Variants in STXBP5 observed in about 807,000 individuals in gnomAD.
The protein encoded by STXBP5 is syntaxin-binding protein 5.
STXBP5 carries 50 observed loss-of-function variants against 152.4 expected under a neutral mutation model. That is an observed-to-expected ratio of 0.33 (90% CI 0.26 to 0.42). The LOEUF (loss-of-function observed/expected upper bound fraction) is 0.42, where lower values mean the gene tolerates loss of function less well. Among genes scored for constraint, STXBP5 ranks in the 10% least tolerant of loss-of-function variants. STXBP5 has a pLI of 1.00. For synonymous variants in STXBP5, 492 were observed against 494.7 expected, an observed-to-expected ratio of 0.99 and a Z score of 0.07; for missense variants, 1,167 against 1,388.6, an observed-to-expected ratio of 0.84 and a Z score of 2.54.
At chr6:147,255,321 G>A (rs1004545656) in intron 4 of STXBP5, among the ~76,000 whole-genome samples, 20 of 152,170 alleles carry the variant, frequency 1.3e-4, no homozygotes, top group African/African-American at 4.8e-4. Context: ...TGAGAGGCTA[G>A]GGGAGGGATA....
intron 9 of STXBP5, among the ~76,000 whole-genome samples, chr6:147,309,213 A>G (rs1350129499): frequency 5.9e-5 from 9 of 152,152 alleles, no homozygotes; most frequent in Admixed American, 5.9e-4. Flanking sequence ...ATGGGTAAGG[A>G]GGAAGATAGA....
At chr6:147,256,728 C>T (rs888486735) in intron 4 of STXBP5, among the ~76,000 whole-genome samples, 3 of 152,098 alleles carry the variant, frequency 2.0e-5, no homozygotes, top group African/African-American at 7.2e-5. Flanking sequence ...CTGGGAATGT[C>T]TGATTGTTTT....
chr6:147,277,959 G>A (rs1780525738), intron 7 of STXBP5, 122 bp from the exon 8 acceptor site: 1 of 836,748 alleles, frequency 1.2e-6, no homozygotes. Flanking sequence ...GAAATGTTAA[G>A]TTCACATGTT....
chr6:147,358,916 G>A (rs1784933011), intron 22 of STXBP5, among the ~76,000 whole-genome samples, 168 bp from the exon 23 acceptor site: 1 of 152,096 alleles, frequency 6.6e-6, no homozygotes, highest in Non-Finnish European at 1.5e-5. Flanking sequence ...GACTTGTGTA[G>A]TTCAAACCCA....
chr6:147,239,979 G>A (rs1233690966), intron 4 of STXBP5, among the ~76,000 whole-genome samples: 1 of 147,912 alleles, frequency 6.8e-6, no homozygotes, highest in Non-Finnish European at 1.5e-5. Context: ...GTCTTGCTCT[G>A]TCGCCCAGGC....
Position 147,311,642 on chromosome 6 carries a change from C to T in STXBP5, c.1145+115C>T, listed in dbSNP as rs530164524. Reference sequence around the variant, plus strand: ...AAAACTCTACATTTATATCCATAACCTTGACCTCTTTTGAGAGCTCCAGAC... The same window carrying T: ...AAAACTCTACATTTATATCCATAACTTTGACCTCTTTTGAGAGCTCCAGAC... On this transcript the variant is annotated intron_variant, in intron 11 of 27. Transcript: ENST00000321680. The T allele has an allele frequency of 8.1e-6, 6 of 741,492 alleles. No individual in the cohort carries two copies. The African/African-American group carries it at 1.1e-4, about 13-fold the overall frequency. The allele number at this position is 741,492 out of a possible 1,614,324, so 45.9% of individuals were successfully genotyped here. A position where few individuals can be genotyped will look rare whatever the true frequency, so the allele number is the denominator to read the frequency against.
At chr6:147,205,723 A>G (rs987454681) in intron 1 of STXBP5, among the ~76,000 whole-genome samples, 3 of 152,344 alleles carry the variant, frequency 2.0e-5, no homozygotes, top group South Asian at 2.1e-4. Flanking sequence ...ATTTTCTTCT[A>G]TGGAATACCA....
At chr6:147,330,932 A>G (rs572633754) in intron 18 of STXBP5, among the ~76,000 whole-genome samples, 5 of 152,344 alleles carry the variant, frequency 3.3e-5, no homozygotes, top group East Asian at 1.9e-4. Flanking sequence ...TGTGTTGTCT[A>G]TAGCTGCTTT....
chr6:147,316,146 AGTGT>A (rs1318986095), intron 15 of STXBP5, 79 bp from the exon 16 acceptor site: 7 of 1,275,680 alleles, frequency 5.5e-6, no homozygotes, highest in Non-Finnish European at 7.6e-6. Flanking sequence ...GTTTATGTAA[AGTGT>A]GTGTGTATGT....
At chr6:147,211,207 G>A (rs1300383014) in intron 2 of STXBP5, among the ~76,000 whole-genome samples, 1 of 151,812 alleles carries the variant, frequency 6.6e-6, no homozygotes, top group Non-Finnish European at 1.5e-5. Flanking sequence ...CTACTCAGAG[G>A]CTGAGGCAGG....
At chr6:147,281,765 A>G (rs1186285243) in intron 8 of STXBP5, among the ~76,000 whole-genome samples, 1 of 152,200 alleles carries the variant, frequency 6.6e-6, no homozygotes, top group African/African-American at 2.4e-5. Flanking sequence ...AGTGTTAAAA[A>G]TAGGTTAAGA....
intron 2 of STXBP5, among the ~76,000 whole-genome samples, chr6:147,213,479 C>CGT (rs1776995037): frequency 2.1e-5 from 2 of 94,256 alleles, no homozygotes; most frequent in Admixed American, 1.0e-4. Flanking sequence ...TGTGTGTGTG[C>CGT]GCGCGCATAT....
In STXBP5 at chr6:147,291,178, A is replaced by T; in HGVS notation, c.917+6A>T. The T allele has an allele frequency of 6.2e-7, 1 of 1,608,778 alleles. No individual in the cohort carries two copies. Among genetic ancestry groups the T allele is most frequent in the South Asian group, 1.1e-5 (1 of 90,466 alleles). ...TTCAAAACGACTAGATCTGGGTAAG[A>T]TTTTACTTCATTGCCAATGTTCATT... is the stretch of plus-strand genomic sequence containing the variant. On this transcript the variant is annotated splice_donor_region_variant and intron_variant, in intron 9 of 27. Coordinates refer to ENST00000321680, the MANE Select transcript of STXBP5 (RefSeq NM_001127715.4).
intron 8 of STXBP5, among the ~76,000 whole-genome samples, chr6:147,285,217 A>G (rs1780900051): frequency 6.6e-6 from 1 of 152,200 alleles, no homozygotes; most frequent in African/African-American, 2.4e-5. Context: ...GTTCACGGAT[A>G]GTTAAAAGAA....
At chr6:147,214,092 T>G (rs1183629672) in intron 2 of STXBP5, among the ~76,000 whole-genome samples, 1 of 152,206 alleles carries the variant, frequency 6.6e-6, no homozygotes, top group Admixed American at 6.5e-5. Context: ...TGGTGCTTTC[T>G]AATTTAGTTA....
At chr6:147,220,321 G>A (rs1777396228) in intron 2 of STXBP5, among the ~76,000 whole-genome samples, 1 of 152,070 alleles carries the variant, frequency 6.6e-6, no homozygotes, top group Non-Finnish European at 1.5e-5. Context: ...AATGTTCCAT[G>A]TGAGTTTGAG....
intron 8 of STXBP5, among the ~76,000 whole-genome samples, chr6:147,284,901 A>G (rs1297083081): frequency 3.3e-5 from 5 of 152,230 alleles, no homozygotes; most frequent in African/African-American, 7.2e-5. Flanking sequence ...TACATCTTAA[A>G]AATATCACTT....
intron 26 of STXBP5, among the ~76,000 whole-genome samples, chr6:147,377,317 A>G (rs1408419166): frequency 2.0e-5 from 3 of 152,226 alleles, no homozygotes; most frequent in African/African-American, 7.2e-5. Context: ...TTTAATCTTA[A>G]ATATGTATTA....
chr6:147,314,210 C>CAT (rs397783340), intron 12 of STXBP5, 54 bp from the exon 13 acceptor site: 15 of 1,448,864 alleles, frequency 1.0e-5, no homozygotes, highest in Middle Eastern at 1.7e-4. Flanking sequence ...CACACACACA[C>CAT]GGAGGTATGT....
Sources: gnomAD v4.1 joint callset for allele counts (sites outside exome capture counted in the v4.1 genomes callset) on GRCh38, gnomAD v4.1.1 for gene constraint, MANE v1.5 for transcripts, NCBI Gene and HGNC (gene_info 2026-07-23, HGNC 2026-07-21) for gene names.